Variants in QTMAN observed in about 807,000 individuals in gnomAD.
QTMAN encodes tRNA-queuosine alpha-mannosyltransferase.
At chr2:144,146,000 A>G in the QTMAN span, 7 of 213,714 alleles carry the variant, frequency 3.3e-5, no homozygotes, top group Non-Finnish European at 2.7e-5. Context: ...AAAAAAAAAA[A>G]AAAAAAAAAA....
the QTMAN span, among the ~76,000 whole-genome samples, chr2:144,000,654 G>C: frequency 1.3e-5 from 2 of 151,928 alleles, no homozygotes; most frequent in Admixed American, 6.6e-5. Flanking sequence ...CTGTGAAAAC[G>C]AATAGTGCTA....
chr2:144,065,701 A>G, the QTMAN span, among the ~76,000 whole-genome samples: 1 of 151,922 alleles, frequency 6.6e-6, no homozygotes, highest in African/African-American at 2.4e-5. Context: ...TCCTCAAGTT[A>G]TAAGTTTAAG....
the QTMAN span, among the ~76,000 whole-genome samples, chr2:144,268,695 C>A: frequency 6.6e-6 from 1 of 152,168 alleles, no homozygotes; most frequent in East Asian, 1.9e-4. Flanking sequence ...CCAAGGTATC[C>A]TTTGTGTGAA....
the QTMAN span, among the ~76,000 whole-genome samples, chr2:144,200,773 G>T: frequency 3.7e-3 from 564 of 152,156 alleles, 2 homozygotes; most frequent in African/African-American, 0.013. Context: ...ACCCATGAAA[G>T]TGAAAAAAAT....
At chr2:144,202,998 A>G in the QTMAN span, among the ~76,000 whole-genome samples, 3 of 152,234 alleles carry the variant, frequency 2.0e-5, no homozygotes, top group Non-Finnish European at 2.9e-5. Flanking sequence ...TATAAACTCC[A>G]TAACAAGAAA....
the QTMAN span, among the ~76,000 whole-genome samples, chr2:144,030,790 C>G: frequency 0.1 from 15,846 of 152,074 alleles, 1,276 homozygotes; most frequent in East Asian, 0.26. Context: ...GGCTCTCTAT[C>G]GAGGGTGATT....
chr2:144,230,642 A>G, the QTMAN span, among the ~76,000 whole-genome samples: 22 of 152,292 alleles, frequency 1.4e-4, no homozygotes, highest in East Asian at 1.3e-3. Context: ...TAAAAGCAAT[A>G]GGGAAATACC....
chr2:143,952,888 T>C, the QTMAN span: 1 of 1,168,548 alleles, frequency 8.6e-7, no homozygotes, highest in Non-Finnish European at 1.3e-6. Context: ...TAAAAAGACA[T>C]TACCATCATA....
the QTMAN span, chr2:144,007,278 C>T: frequency 2.1e-5 from 34 of 1,613,166 alleles, no homozygotes; most frequent in Non-Finnish European, 1.5e-5. Context: ...TTTATTTTCA[C>T]CATGATGAGA....
the QTMAN span, among the ~76,000 whole-genome samples, chr2:144,117,195 G>A: frequency 7.2e-5 from 11 of 152,094 alleles, no homozygotes; most frequent in African/African-American, 2.4e-4. Flanking sequence ...TCTTCACTCC[G>A]ATCTGCACTG....
the QTMAN span, among the ~76,000 whole-genome samples, chr2:144,151,665 A>G: frequency 3.3e-5 from 5 of 152,198 alleles, no homozygotes; most frequent in African/African-American, 9.7e-5. Flanking sequence ...AAGCACCTTG[A>G]CAGAGTTTTA....
the QTMAN span, among the ~76,000 whole-genome samples, chr2:144,074,896 G>C: frequency 3.9e-5 from 6 of 152,266 alleles, no homozygotes. Flanking sequence ...AACTCTCTGT[G>C]ACACAACTAA....
the QTMAN span, among the ~76,000 whole-genome samples, chr2:143,994,234 G>A: frequency 2.0e-5 from 3 of 152,020 alleles, no homozygotes; most frequent in Non-Finnish European, 2.9e-5. Context: ...TACACAGTAC[G>A]GTGCCTGGCT....
At chr2:144,211,989 T>C in the QTMAN span, among the ~76,000 whole-genome samples, 1 of 152,170 alleles carries the variant, frequency 6.6e-6, no homozygotes, top group Non-Finnish European at 1.5e-5. Context: ...CTGTTGAAAG[T>C]GCTAACTCCA....
the QTMAN span, among the ~76,000 whole-genome samples, chr2:144,090,659 G>GTAT: frequency 6.6e-6 from 1 of 151,852 alleles, no homozygotes; most frequent in Non-Finnish European, 1.5e-5. Flanking sequence ...AACAAAAGAT[G>GTAT]TATTAAATAT....
At chr2:144,230,823 T>C in the QTMAN span, among the ~76,000 whole-genome samples, 2 of 152,160 alleles carry the variant, frequency 1.3e-5, no homozygotes, top group East Asian at 1.9e-4. Context: ...TAATGGGAAA[T>C]ATGAGAAGAT....
chr2:144,239,529 C>G, the QTMAN span, among the ~76,000 whole-genome samples: 1 of 152,154 alleles, frequency 6.6e-6, no homozygotes, highest in African/African-American at 2.4e-5. Flanking sequence ...CCCATTCCTT[C>G]CTCCCTGCTA....
At chr2:144,001,570 T>TA in the QTMAN span, among the ~76,000 whole-genome samples, 497 of 152,084 alleles carry the variant, frequency 3.3e-3, 8 homozygotes, top group African/African-American at 0.012. Context: ...GTAGAACTTA[T>TA]AACTGTAGCT....
the QTMAN span, among the ~76,000 whole-genome samples, chr2:144,011,048 T>C: frequency 6.6e-6 from 1 of 152,092 alleles, no homozygotes; most frequent in African/African-American, 2.4e-5. Context: ...TGAAAGAAGG[T>C]AGTTACAAGC....
Sources: allele counts gnomAD v4.1 joint callset (sites outside exome capture counted in the v4.1 genomes callset), GRCh38; gene constraint gnomAD v4.1.1; transcripts MANE v1.5; gene names NCBI Gene and HGNC (gene_info 2026-07-23, HGNC 2026-07-21).